Variants in DCC observed in about 807,000 individuals in gnomAD.
DCC encodes DCC netrin 1 receptor, also known as netrin receptor DCC.
DCC carries 58 observed loss-of-function variants against 172.5 expected under a neutral mutation model. That is an observed-to-expected ratio of 0.34 (90% confidence interval 0.27 to 0.42). DCC has a LOEUF of 0.42. Ranked by LOEUF, DCC falls within the 10% of genes least tolerant of loss-of-function variation. The pLI, the probability that DCC is intolerant of heterozygous loss-of-function variation, is 1.00. For missense variants in DCC, 1,740 were observed against 1,791.0 expected (o/e 0.97, Z 0.51); for synonymous variants, 709 against 644.5 (o/e 1.10, Z -1.52).
At chr18:52,452,332 A>T (rs1178473025) in intron 1 of DCC, among the ~76,000 whole-genome samples, 1 of 152,254 alleles carries the variant, frequency 6.6e-6, no homozygotes, top group East Asian at 1.9e-4. Flanking sequence ...CAGGGTTCTA[A>T]TAAAATATTA....
intron 7 of DCC, among the ~76,000 whole-genome samples, chr18:53,110,347 C>T (rs887954759): frequency 7.3e-5 from 11 of 151,594 alleles, no homozygotes; most frequent in Admixed American, 1.3e-4. Context: ...GTATATTAAA[C>T]GACTGTTCCA....
intron 1 of DCC, among the ~76,000 whole-genome samples, chr18:52,658,449 G>A (rs2035296492): frequency 6.6e-6 from 1 of 151,606 alleles, no homozygotes; most frequent in South Asian, 2.1e-4. Flanking sequence ...GCACATTATG[G>A]GCCCCATTTA....
intron 5 of DCC, among the ~76,000 whole-genome samples, chr18:52,992,854 C>T (rs1391625646): frequency 1.3e-5 from 2 of 151,856 alleles, no homozygotes; most frequent in African/African-American, 2.4e-5. Context: ...ACATGCCTAT[C>T]GTAATCCCAG....
chr18:52,984,739 A>G (rs1473497192), intron 5 of DCC, among the ~76,000 whole-genome samples: 4 of 152,158 alleles, frequency 2.6e-5, no homozygotes, highest in Non-Finnish European at 5.9e-5. Flanking sequence ...TTATCCAATT[A>G]TGATTCCCTC....
chr18:53,422,931 A>G (rs901415085), intron 21 of DCC, among the ~76,000 whole-genome samples: 1 of 152,160 alleles, frequency 6.6e-6, no homozygotes, highest in African/African-American at 2.4e-5. Flanking sequence ...TGGGTTTTTC[A>G]CAGGTTCAAT....
chr18:52,695,527 A>T (rs1050388345), intron 1 of DCC, among the ~76,000 whole-genome samples: 1 of 152,220 alleles, frequency 6.6e-6, no homozygotes, highest in African/African-American at 2.4e-5. Context: ...ACATAGTTAT[A>T]GTTGTTTGCT....
chr18:53,124,732 A>G (rs1164339772), intron 7 of DCC, among the ~76,000 whole-genome samples: 2 of 151,988 alleles, frequency 1.3e-5, no homozygotes, highest in Non-Finnish European at 2.9e-5. Context: ...TTAGGAAGCT[A>G]AGGCAGGTGG....
At position 53,479,339 on chromosome 18, in the gene DCC, C is replaced by T. The variant is rs141672348; in HGVS notation, c.3737-7458C>T. Among the ~76,000 whole-genome samples, 775 of 152,258 alleles carry T rather than the reference C, an allele frequency of 5.1e-3. 7 individuals are homozygous for T. Among genetic ancestry groups the T allele is most frequent in the Middle Eastern group, 0.014 (4 of 294 alleles). Reference sequence around the variant, plus strand: ...AAAGGAACAGTATTTTTTATTCAAACTCTATAGGCACACAATTCATTATGC... The same window carrying T: ...AAAGGAACAGTATTTTTTATTCAAATTCTATAGGCACACAATTCATTATGC... On this transcript the variant is annotated intron_variant, in intron 25 of 28. Coordinates refer to ENST00000442544, the MANE Select transcript of DCC (RefSeq NM_005215.4).
intron 5 of DCC, among the ~76,000 whole-genome samples, chr18:53,060,915 A>T (rs1372125546): frequency 6.6e-6 from 1 of 152,168 alleles, no homozygotes; most frequent in Admixed American, 6.6e-5. Context: ...AACTACTCTA[A>T]TTGGAGAATA....
At chr18:52,739,054 T>C (rs2036774504) in intron 1 of DCC, among the ~76,000 whole-genome samples, 1 of 152,160 alleles carries the variant, frequency 6.6e-6, no homozygotes, top group Non-Finnish European at 1.5e-5. Flanking sequence ...ACAGTAGATT[T>C]GTTTATAGTA....
intron 3 of DCC, among the ~76,000 whole-genome samples, chr18:52,916,672 C>T (rs1223819311): frequency 6.6e-6 from 1 of 152,080 alleles, no homozygotes; most frequent in Non-Finnish European, 1.5e-5. Context: ...CTAGATTTCA[C>T]ATTACAACTA....
chr18:52,626,466 C>T lies in DCC; in HGVS notation c.92-125588C>T, dbSNP rs1477829046. 2.0e-5 allele frequency among the ~76,000 whole-genome samples: 3 copies of T among 151,622 alleles called. 1 individual carries two copies. The highest frequency in any genetic ancestry group is 1.5e-5 in the Non-Finnish European group (1 of 67,862). ...GTCTCTCTGCTTTTTTTTTTCTGCC[C>T]TACTGTAGTCATTCCTAATATACAA... On this transcript the variant is annotated intron_variant, in intron 1 of 28. Coordinates refer to ENST00000442544, the MANE Select transcript of DCC (RefSeq NM_005215.4).
intron 12 of DCC, among the ~76,000 whole-genome samples, chr18:53,244,485 G>A (rs1289916766): frequency 6.6e-6 from 1 of 152,126 alleles, no homozygotes; most frequent in African/African-American, 2.4e-5. Context: ...TTTGTGTGTT[G>A]ACTGGGTTCA....
chr18:53,503,789 C>G (rs2046134382), intron 27 of DCC, among the ~76,000 whole-genome samples: 2 of 152,154 alleles, frequency 1.3e-5, no homozygotes, highest in Admixed American at 1.3e-4. Flanking sequence ...TCTTTTATAA[C>G]ATTAGCCCCC....
At chr18:52,536,350 T>C (rs561221239) in intron 1 of DCC, among the ~76,000 whole-genome samples, 1 of 151,210 alleles carries the variant, frequency 6.6e-6, no homozygotes, top group South Asian at 2.1e-4. Flanking sequence ...ATGGACTAAG[T>C]AGGCTGCTGC....
chr18:52,419,420 G>A (rs1987168865), intron 1 of DCC: 1 of 152,152 alleles, frequency 6.6e-6, no homozygotes, highest in South Asian at 2.1e-4. Context: ...CAGTGTCACT[G>A]AGGAAATATT....
At chr18:52,558,971 T>G (rs992168378) in intron 1 of DCC, among the ~76,000 whole-genome samples, 1 of 152,204 alleles carries the variant, frequency 6.6e-6, no homozygotes, top group African/African-American at 2.4e-5. Context: ...GGTTATCTCA[T>G]GAATAATTGC....
At chr18:52,600,442 C>G (rs968186300) in intron 1 of DCC, among the ~76,000 whole-genome samples, 1 of 152,120 alleles carries the variant, frequency 6.6e-6, no homozygotes, top group African/African-American at 2.4e-5. Flanking sequence ...GGCAAGAAAA[C>G]ACACCTAACT....
intron 18 of DCC, among the ~76,000 whole-genome samples, chr18:53,399,443 A>G (rs183439086): frequency 6.6e-6 from 1 of 152,262 alleles, no homozygotes; most frequent in Admixed American, 6.5e-5. Context: ...CCAAAGAGAA[A>G]AAACAAGTCC....
Sources: gnomAD v4.1 joint callset for allele counts (sites outside exome capture counted in the v4.1 genomes callset) on GRCh38, gnomAD v4.1.1 for gene constraint, MANE v1.5 for transcripts, NCBI Gene and HGNC (gene_info 2026-07-23, HGNC 2026-07-21) for gene names.